Variants in KIAA1217 observed in about 807,000 individuals in gnomAD.
KIAA1217 encodes the protein sickle tail protein homolog.
In KIAA1217, 88 loss-of-function variants were observed where a neutral mutation model predicts 163.9. That is an observed-to-expected ratio of 0.54 (90% CI 0.45 to 0.64). The LOEUF (loss-of-function observed/expected upper bound fraction) is 0.64, where lower values mean the gene tolerates loss of function less well. KIAA1217 is among the 30% of genes least tolerant of loss of function. The pLI is 0.00. For synonymous variants in KIAA1217, 903 were observed against 923.1 expected (o/e 0.98, Z 0.39); for missense variants, 2,372 against 2,475.0 (o/e 0.96, Z 0.88).
At chr10:24,487,083 G>A (rs182500339) in intron 6 of KIAA1217, among the ~76,000 whole-genome samples, 4 of 152,162 alleles carry the variant, frequency 2.6e-5, no homozygotes, top group Admixed American at 1.3e-4. Flanking sequence ...CGGCTTCTCC[G>A]CTTGCCCTGG....
At chr10:23,882,496 C>T (rs1840994786) in intron 1 of KIAA1217, among the ~76,000 whole-genome samples, 1 of 151,896 alleles carries the variant, frequency 6.6e-6, no homozygotes, top group African/African-American at 2.4e-5. Flanking sequence ...TACACTCCCT[C>T]ATGTTTGAAT....
At chr10:24,034,377 T>C (rs1829433804) in intron 2 of KIAA1217, among the ~76,000 whole-genome samples, 1 of 151,696 alleles carries the variant, frequency 6.6e-6, no homozygotes, top group African/African-American at 2.4e-5. Context: ...CTGGGCAACA[T>C]GGCAAAATCC....
intron 2 of KIAA1217, among the ~76,000 whole-genome samples, chr10:24,073,492 A>G (rs1460426609): frequency 1.3e-5 from 2 of 152,210 alleles, no homozygotes; most frequent in Non-Finnish European, 2.9e-5. Flanking sequence ...GTAAATTTGG[A>G]AGTTATCAGC....
intron 1 of KIAA1217, among the ~76,000 whole-genome samples, chr10:23,809,942 T>C (rs1836916606): frequency 6.6e-6 from 1 of 152,032 alleles, no homozygotes; most frequent in South Asian, 2.1e-4. Context: ...CAAGTACCCA[T>C]ACAACCATTC....
chr10:24,079,991 G>A (rs2061488596), intron 2 of KIAA1217, among the ~76,000 whole-genome samples: 1 of 152,294 alleles, frequency 6.6e-6, no homozygotes, highest in Non-Finnish European at 1.5e-5. Context: ...CACAGAGAGA[G>A]ACAGATGAGA....
intron 1 of KIAA1217, among the ~76,000 whole-genome samples, chr10:23,738,573 T>A (rs1163882199): frequency 6.6e-6 from 1 of 152,216 alleles, no homozygotes. Flanking sequence ...TTTAACACAT[T>A]ATTTTTTCAT....
At position 24,066,876 on chromosome 10, in the gene KIAA1217, A is replaced by G. The variant is rs780296722; in HGVS notation, c.-171+59502A>G. ...CTTTTTTCTCTAAACTTCTCTTCAC[A>G]CTTCATTTCATTCATTTTGTCTTCC... On this transcript the variant is annotated intron_variant, in intron 2 of 18. Coordinates refer to the KIAA1217 transcript ENST00000376462. Among the ~76,000 whole-genome samples, 29 of 151,816 alleles carry G rather than the reference A, an allele frequency of 1.9e-4. 1 individual carries two copies. Among genetic ancestry groups the G allele is most frequent in the Non-Finnish European group, 3.4e-4 (23 of 67,948 alleles).
intron 3 of KIAA1217, among the ~76,000 whole-genome samples, chr10:24,394,605 A>G (rs569283044): frequency 6.6e-6 from 1 of 152,314 alleles, no homozygotes; most frequent in South Asian, 2.1e-4. Flanking sequence ...CATGGTAACT[A>G]TGTAAGGACT....
At chr10:23,950,812 C>A (rs982019760) in intron 1 of KIAA1217, among the ~76,000 whole-genome samples, 1 of 152,172 alleles carries the variant, frequency 6.6e-6, no homozygotes, top group Non-Finnish European at 1.5e-5. Context: ...TCTAGTAGAA[C>A]ATAATCTCCA....
intron 1 of KIAA1217, among the ~76,000 whole-genome samples, chr10:23,825,482 T>G (rs550394653): frequency 5.3e-5 from 8 of 152,226 alleles, no homozygotes; most frequent in Non-Finnish European, 1.0e-4. Flanking sequence ...TAAAAGAGCA[T>G]CTGACCAATA....
chr10:24,390,793 AG>A, intron 3 of KIAA1217, among the ~76,000 whole-genome samples: 1 of 152,322 alleles, frequency 6.6e-6, no homozygotes, highest in Middle Eastern at 3.4e-3. Context: ...AGTATAGTGA[AG>A]CATGTTTTGT....
At chr10:23,950,419 T>C (rs1844280568) in intron 1 of KIAA1217, among the ~76,000 whole-genome samples, 1 of 152,028 alleles carries the variant, frequency 6.6e-6, no homozygotes, top group Admixed American at 6.6e-5. Flanking sequence ...TCCCTTGGAA[T>C]GTAATCTCAT....
chr10:23,921,804 G>A (rs1842856087), intron 1 of KIAA1217, among the ~76,000 whole-genome samples: 1 of 152,180 alleles, frequency 6.6e-6, no homozygotes, highest in African/African-American at 2.4e-5. Flanking sequence ...TAGCAAAACA[G>A]TGCTGTTTGC....
chr10:24,177,499 T>C (rs1273702005), intron 2 of KIAA1217, among the ~76,000 whole-genome samples: 1 of 151,416 alleles, frequency 6.6e-6, no homozygotes, highest in Non-Finnish European at 1.5e-5. Flanking sequence ...ATCTTTTTCA[T>C]ATAATGACTT....
chr10:23,909,685 G>T (rs558163578), intron 1 of KIAA1217, among the ~76,000 whole-genome samples: 2 of 152,212 alleles, frequency 1.3e-5, no homozygotes, highest in African/African-American at 2.4e-5. Flanking sequence ...TCTTTATCCA[G>T]TCTATCATTG....
intron 1 of KIAA1217, among the ~76,000 whole-genome samples, chr10:23,952,083 AT>A (rs1461114157): frequency 6.6e-6 from 1 of 152,170 alleles, no homozygotes; most frequent in East Asian, 1.9e-4. Context: ...ACATATGGGG[AT>A]TATCATTGAG....
At chr10:24,158,212 A>G (rs1466828279) in intron 2 of KIAA1217, 4 of 734,722 alleles carry the variant, frequency 5.4e-6, no homozygotes, top group African/African-American at 5.2e-5. Flanking sequence ...AGTTACATCT[A>G]CTCCTGGAAC....
intron 5 of KIAA1217, among the ~76,000 whole-genome samples, chr10:24,441,919 T>C (rs762011137): frequency 6.6e-6 from 1 of 152,220 alleles, no homozygotes; most frequent in Non-Finnish European, 1.5e-5. Context: ...TGGACAATTC[T>C]GCTTTGAGGG....
intron 1 of KIAA1217, among the ~76,000 whole-genome samples, chr10:24,218,109 G>A (rs2130819926): frequency 6.6e-6 from 1 of 152,214 alleles, no homozygotes; most frequent in African/African-American, 2.4e-5. Context: ...CTGACTTCAT[G>A]AAGAGAGCCT....
Sources: gnomAD v4.1 joint callset for allele counts (sites outside exome capture counted in the v4.1 genomes callset) on GRCh38, gnomAD v4.1.1 for gene constraint, MANE v1.5 for transcripts, NCBI Gene and HGNC (gene_info 2026-07-23, HGNC 2026-07-21) for gene names.